The following RPA3 variants were observed in gnomAD, a reference collection of about 807,000 sequenced individuals.
The protein encoded by RPA3 is replication protein A 14 kDa subunit.
A neutral mutation model predicts 13.7 loss-of-function variants in RPA3; 24 were observed. The observed-to-expected ratio is 1.75, with a 90% CI of 1.27 to 2.46. RPA3 has a LOEUF of 2.46. Among genes scored for constraint, RPA3 ranks in the 30% most tolerant of loss-of-function variants. The pLI, the probability that RPA3 is intolerant of heterozygous loss-of-function variation, is 0.00. For synonymous variants in RPA3, 59 were observed against 51.2 expected (o/e 1.15, Z -0.65); for missense variants, 183 against 151.0 (o/e 1.21, Z -1.11).
chr7:7,660,820 T>A (rs1414287334), intron 4 of RPA3, among the ~76,000 whole-genome samples: 1 of 152,204 alleles, frequency 6.6e-6, no homozygotes, highest in African/African-American at 2.4e-5. Flanking sequence ...TGGTGTTCTC[T>A]GTATTTCCTG....
intron 2 of RPA3, among the ~76,000 whole-genome samples, chr7:7,712,034 A>C (rs1780777839): frequency 6.6e-6 from 1 of 152,046 alleles, no homozygotes; most frequent in Non-Finnish European, 1.5e-5. Flanking sequence ...GTATCTTCCA[A>C]GCTTACTCTT....
At chr7:7,638,094 AC>A in intron 6 of RPA3, 122 bp from the exon 7 acceptor site, 1 of 607,794 alleles carries the variant, frequency 1.6e-6, no homozygotes, top group Non-Finnish European at 2.8e-6. Context: ...TTTAAGAATT[AC>A]CAGTGTAAAA....
chr7:7,657,287 C>A (rs1056788952), intron 4 of RPA3, among the ~76,000 whole-genome samples: 2 of 152,048 alleles, frequency 1.3e-5, no homozygotes, highest in African/African-American at 2.4e-5. Flanking sequence ...ATGATAGTTT[C>A]TTTTGCTGTG....
Position 7,640,410 on chromosome 7 carries a change from G to T in RPA3, c.9C>A (p.Asp3Glu), listed in dbSNP as rs1044254055. 1.2e-6 allele frequency: 2 copies of T among 1,613,992 alleles called. No individual in the cohort carries two copies. Among genetic ancestry groups the T allele is most frequent in the Non-Finnish European group, 1.7e-6 (2 of 1,180,006 alleles). Reference protein sequence around the residue: MVDMMDLPRSRIN... With the variant: MVEMMDLPRSRIN... ...TGCGCGACCTGGGCAAGTCCATCAT[G>T]TCCACCATGATTATGGTCCAAGACT... The change falls in exon 5 of 8, where the codon GAC becomes GAA. Residue 3 changes from aspartate (D) to glutamate (E), a missense_variant. Coordinates refer to ENST00000223129, the MANE Select transcript of RPA3 (RefSeq NM_002947.5).
chr7:7,685,454 T>C (rs1186019042), intron 4 of RPA3, among the ~76,000 whole-genome samples: 1 of 151,720 alleles, frequency 6.6e-6, no homozygotes, highest in East Asian at 1.9e-4. Context: ...GGACTACAGG[T>C]GTGCGCCACC....
intron 2 of RPA3, among the ~76,000 whole-genome samples, chr7:7,708,472 C>G (rs1780663495): frequency 2.0e-5 from 3 of 152,062 alleles, no homozygotes; most frequent in Admixed American, 1.3e-4. Flanking sequence ...ACAGCATTTA[C>G]CATTTTGGAT....
intron 4 of RPA3, among the ~76,000 whole-genome samples, chr7:7,668,915 C>T (rs1403577648): frequency 2.0e-5 from 3 of 152,104 alleles, no homozygotes; most frequent in Non-Finnish European, 4.4e-5. Context: ...ACTCACACAC[C>T]CACCCACACT....
At chr7:7,692,486 T>C (rs1780195070) in intron 2 of RPA3, 2 of 152,240 alleles carry the variant, frequency 1.3e-5, no homozygotes, top group South Asian at 2.1e-4. Context: ...TTTATATTCA[T>C]ACAGTCTTTG....
chr7:7,679,868 C>G lies in RPA3; in HGVS notation c.-758+5962G>C, dbSNP rs549538157. ...GCGTGAGCTGCTATGCCTGGCCTGC[C>G]CATTTTAAAATTGGATTATTTTATT... On this transcript the variant is annotated intron_variant, in intron 4 of 7. Coordinates refer to ENST00000223129, the MANE Select transcript of RPA3 (RefSeq NM_002947.5). Among the ~76,000 whole-genome samples, 10 of 151,340 alleles carry G rather than the reference C, an allele frequency of 6.6e-5. No individual in the cohort carries two copies. The South Asian group carries it at 2.1e-3, about 32-fold the overall frequency.
At chr7:7,639,255 T>G in intron 5 of RPA3, 111 bp from the exon 6 acceptor site, 2 of 691,524 alleles carry the variant, frequency 2.9e-6, no homozygotes, top group Non-Finnish European at 4.8e-6. Context: ...TTGAACAGTT[T>G]ATTCATTCAG....
At chr7:7,676,893 C>A (rs1779754760) in intron 4 of RPA3, among the ~76,000 whole-genome samples, 1 of 151,976 alleles carries the variant, frequency 6.6e-6, no homozygotes, top group East Asian at 1.9e-4. Flanking sequence ...CAGGTAAACT[C>A]TTTTTTAAAA....
intron 4 of RPA3, among the ~76,000 whole-genome samples, chr7:7,664,124 A>G (rs1779370492): frequency 6.6e-6 from 1 of 152,246 alleles, no homozygotes; most frequent in African/African-American, 2.4e-5. Context: ...TTTACATAAT[A>G]GCTGGATTTC....
At chr7:7,675,694 A>C (rs1779721347) in intron 4 of RPA3, among the ~76,000 whole-genome samples, 1 of 152,160 alleles carries the variant, frequency 6.6e-6, no homozygotes, top group South Asian at 2.1e-4. Context: ...ACCATCTTGG[A>C]CTAGCATAAT....
intron 4 of RPA3, among the ~76,000 whole-genome samples, chr7:7,649,830 A>G (rs1180960355): frequency 1.3e-5 from 2 of 152,176 alleles, no homozygotes; most frequent in African/African-American, 4.8e-5. Flanking sequence ...GAGAGGGCAC[A>G]TGAATTGGAT....
intron 2 of RPA3, among the ~76,000 whole-genome samples, chr7:7,695,577 G>T (rs1314133116): frequency 6.6e-6 from 1 of 151,966 alleles, no homozygotes; most frequent in African/African-American, 2.4e-5. Flanking sequence ...CATGTTCTTT[G>T]GCACTAGCAG....
chr7:7,713,474 C>G (rs1005597116), intron 2 of RPA3, among the ~76,000 whole-genome samples: 3 of 151,912 alleles, frequency 2.0e-5, no homozygotes, highest in Admixed American at 1.3e-4. Flanking sequence ...GCTCCTCCCC[C>G]CCATGGCAAT....
intron 4 of RPA3, among the ~76,000 whole-genome samples, chr7:7,674,376 A>C (rs1779686756): frequency 6.6e-6 from 1 of 152,118 alleles, no homozygotes; most frequent in Non-Finnish European, 1.5e-5. Flanking sequence ...TTTCCCTTAG[A>C]TTTAAGGGTA....
rs573047595 is a variant in RPA3 at position 7,687,247 on chromosome 7, T to G, written c.-946A>C. ...ACTTACCATTTCAGCCTCATTTTCC[T>G]TTTGTGTGAAATGTTAATGATATCA... On this transcript the variant is annotated 5_prime_UTR_variant, in exon 3 of 8. Coordinates refer to ENST00000223129, the MANE Select transcript of RPA3 (RefSeq NM_002947.5). 5 of 152,370 alleles carry G rather than the reference T, an allele frequency of 3.3e-5. No individual in the cohort carries two copies. Among genetic ancestry groups the G allele is most frequent in the South Asian group, 4.1e-4 (2 of 4,830 alleles). 9.4% of individuals were successfully genotyped at this position (152,370 alleles called of 1,614,324 possible).
At chr7:7,651,768 G>A (rs1457684358) in intron 4 of RPA3, among the ~76,000 whole-genome samples, 1 of 152,140 alleles carries the variant, frequency 6.6e-6, no homozygotes, top group Non-Finnish European at 1.5e-5. Flanking sequence ...GTGGAAATTG[G>A]GTCTTCCGAG....
Sources: gnomAD v4.1 joint callset for allele counts (sites outside exome capture counted in the v4.1 genomes callset) on GRCh38, gnomAD v4.1.1 for gene constraint, MANE v1.5 for transcripts, NCBI Gene and HGNC (gene_info 2026-07-23, HGNC 2026-07-21) for gene names.